The following KCTD16 variants were observed in gnomAD, a reference collection of about 807,000 sequenced individuals.
The protein encoded by KCTD16 is potassium channel tetramerization domain containing 16.
A neutral mutation model predicts 33.2 loss-of-function variants in KCTD16; 13 were observed. The ratio of observed to expected loss-of-function variants is 0.39; its 90% confidence interval spans 0.25 to 0.62. The LOEUF (loss-of-function observed/expected upper bound fraction) is 0.62. Ranked by LOEUF, KCTD16 falls within the 20% of genes least tolerant of loss-of-function variation. KCTD16 has a pLI of 0.50. For synonymous variants in KCTD16, 197 were observed against 195.3 expected (o/e 1.01, Z -0.07); for missense variants, 441 against 525.1 (o/e 0.84, Z 1.57).
intron 3 of KCTD16, among the ~76,000 whole-genome samples, chr5:144,217,156 T>C (rs1195660677): frequency 6.6e-6 from 1 of 152,238 alleles, no homozygotes; most frequent in East Asian, 1.9e-4. Flanking sequence ...CTGGATCACG[T>C]TGAAAAGCAC....
chr5:144,378,807 C>A (rs1161485940), intron 3 of KCTD16, among the ~76,000 whole-genome samples: 1 of 152,114 alleles, frequency 6.6e-6, no homozygotes, highest in Non-Finnish European at 1.5e-5. Flanking sequence ...TTGAGCTGAA[C>A]CAACGTGTTA....
intron 3 of KCTD16, among the ~76,000 whole-genome samples, chr5:144,222,175 A>G (rs1753778063): frequency 6.6e-6 from 1 of 152,092 alleles, no homozygotes; most frequent in East Asian, 1.9e-4. Flanking sequence ...CCTTTTGTCA[A>G]TGGATAGATT....
intron 3 of KCTD16, among the ~76,000 whole-genome samples, chr5:144,321,205 T>A (rs1580870879): frequency 6.6e-6 from 1 of 152,034 alleles, no homozygotes; most frequent in Non-Finnish European, 1.5e-5. Flanking sequence ...GGAAACCCAA[T>A]GATCTCATCA....
At chr5:144,388,064 A>AGTTTTTTTTT in intron 3 of KCTD16, among the ~76,000 whole-genome samples, 1 of 120,080 alleles carries the variant, frequency 8.3e-6, no homozygotes, top group African/African-American at 3.8e-5. Flanking sequence ...TTTTAGAGCA[A>AGTTTTTTTTT]GTTTTTTTTT....
At chr5:144,469,593 A>G (rs1754424227) in intron 3 of KCTD16, among the ~76,000 whole-genome samples, 2 of 152,162 alleles carry the variant, frequency 1.3e-5, no homozygotes, top group African/African-American at 2.4e-5. Flanking sequence ...TAGCTATCTC[A>G]TTTAATTTTC....
chr5:144,407,217 T>TA (rs397978683), intron 3 of KCTD16, among the ~76,000 whole-genome samples: 12 of 151,198 alleles, frequency 7.9e-5, no homozygotes, highest in African/African-American at 2.2e-4. Context: ...TTTTTTTTTT[T>TA]AAACTATGTC....
intron 3 of KCTD16, among the ~76,000 whole-genome samples, chr5:144,314,420 C>T (rs889245169): frequency 6.6e-6 from 1 of 152,068 alleles, no homozygotes; most frequent in Non-Finnish European, 1.5e-5. Flanking sequence ...ATTTGCTGTT[C>T]ATGGAGTCTA....
chr5:144,194,618 G>A (rs2126782021), intron 2 of KCTD16, among the ~76,000 whole-genome samples: 1 of 152,220 alleles, frequency 6.6e-6, no homozygotes, highest in East Asian at 1.9e-4. Flanking sequence ...CTATGGGCCA[G>A]TTAGTGCACT....
intron 3 of KCTD16, among the ~76,000 whole-genome samples, chr5:144,299,074 T>TATATATATA (rs1561558226): frequency 2.0e-5 from 1 of 49,752 alleles, no homozygotes; most frequent in Non-Finnish European, 3.7e-5. Flanking sequence ...ATATATATAT[T>TATATATATA]TTTGTATATA....
intron 3 of KCTD16, among the ~76,000 whole-genome samples, chr5:144,333,390 T>C (rs554228152): frequency 1.3e-5 from 2 of 152,206 alleles, no homozygotes; most frequent in Non-Finnish European, 2.9e-5. Flanking sequence ...TGGCCCCTTG[T>C]ATATCAGTTA....
chr5:144,444,094 A>C (rs113155590), intron 3 of KCTD16, among the ~76,000 whole-genome samples: 5 of 152,140 alleles, frequency 3.3e-5, no homozygotes, highest in African/African-American at 1.2e-4. Context: ...CAACATTTCA[A>C]AACAACAATA....
intron 3 of KCTD16, among the ~76,000 whole-genome samples, chr5:144,262,283 A>G (rs1296522699): frequency 6.6e-6 from 1 of 152,182 alleles, no homozygotes; most frequent in African/African-American, 2.4e-5. Flanking sequence ...CTCGGCTGGG[A>G]AAGAACTTGG....
Position 144,376,421 on chromosome 5 carries a change from A to G in KCTD16, c.833-97239A>G, listed in dbSNP as rs73795517. Among the ~76,000 whole-genome samples, 538 of 152,294 alleles carry G rather than the reference A, an allele frequency of 3.5e-3. 5 individuals carry two copies. Among genetic ancestry groups the G allele is most frequent in the African/African-American group, 0.012 (511 of 41,584 alleles). ...AGAGAGAGATAGACTTTGCTGAGAA[A>G]ATGATTTGATAAGACCTCCACTGGA... On this transcript the variant is annotated intron_variant, in intron 3 of 3. Coordinates refer to ENST00000512467, the MANE Select transcript of KCTD16 (RefSeq NM_020768.4).
chr5:144,433,973 C>T (rs1216538793), intron 3 of KCTD16, among the ~76,000 whole-genome samples: 3 of 152,126 alleles, frequency 2.0e-5, no homozygotes, highest in Non-Finnish European at 2.9e-5. Context: ...AGAAAGAACT[C>T]GAGAAGTGGT....
intron 3 of KCTD16, among the ~76,000 whole-genome samples, chr5:144,472,862 A>G (rs1330000041): frequency 6.6e-6 from 1 of 152,222 alleles, no homozygotes; most frequent in Non-Finnish European, 1.5e-5. Context: ...ATTGTTTTGA[A>G]GTAGAAGCAA....
chr5:144,190,991 T>G (rs1752829283), intron 2 of KCTD16, among the ~76,000 whole-genome samples: 1 of 152,256 alleles, frequency 6.6e-6, no homozygotes, highest in Non-Finnish European at 1.5e-5. Flanking sequence ...CCTCACTGAT[T>G]GTCGTTAATG....
intron 3 of KCTD16, among the ~76,000 whole-genome samples, chr5:144,242,127 T>C (rs1754420600): frequency 6.6e-6 from 1 of 152,098 alleles, no homozygotes; most frequent in South Asian, 2.1e-4. Flanking sequence ...TTTTGCAATG[T>C]TTTGTTTTTA....
At chr5:144,354,206 A>G (rs1303779014) in intron 3 of KCTD16, among the ~76,000 whole-genome samples, 3 of 152,150 alleles carry the variant, frequency 2.0e-5, no homozygotes, top group East Asian at 1.9e-4. Flanking sequence ...TATATCATAG[A>G]CTTTTGTTCA....
intron 3 of KCTD16, among the ~76,000 whole-genome samples, chr5:144,333,843 T>G (rs1358841033): frequency 6.6e-6 from 1 of 152,178 alleles, no homozygotes; most frequent in African/African-American, 2.4e-5. Context: ...TCAGGACAGA[T>G]GAAGAACTAG....
Sources: allele counts gnomAD v4.1 joint callset (sites outside exome capture counted in the v4.1 genomes callset), GRCh38; gene constraint gnomAD v4.1.1; transcripts MANE v1.5; gene names NCBI Gene and HGNC (gene_info 2026-07-23, HGNC 2026-07-21).